F8: variants seen among roughly 807,000 people sequenced by gnomAD.
F8 encodes the protein coagulation factor VIII.
A neutral mutation model predicts 140.6 loss-of-function variants in F8; 12 were observed. The observed-to-expected ratio is 0.09, with a 90% CI of 0.05 to 0.14. The LOEUF (loss-of-function observed/expected upper bound fraction) is 0.14. Ranked by LOEUF, F8 falls within the 10% of genes least tolerant of loss-of-function variation. The pLI, the probability that F8 is intolerant of heterozygous loss-of-function variation, is 1.00. For synonymous variants in F8, 585 were observed against 614.6 expected (o/e 0.95, Z 0.71); for missense variants, 1,354 against 1,720.7 (o/e 0.79, Z 3.77).
chrX:154,836,888 A>G lies in F8; in HGVS notation c.*709T>C, dbSNP rs1420211277. 1.8e-5 allele frequency: 2 copies of G among 112,575 alleles called. No individual in the cohort carries two copies. The highest frequency in any genetic ancestry group is 1.9e-4 in the Admixed American group (2 of 10,643). 9.3% of individuals were successfully genotyped at this position (112,575 alleles called of 1,213,427 possible). A position where few individuals can be genotyped will look rare whatever the true frequency, so the allele number is the denominator to read the frequency against. ...GTCAGAAAAATGCACATTTGCATTTATACAGAATGCCTTATATAATTTCAG... is the reference window on the plus strand; with the variant it reads ...GTCAGAAAAATGCACATTTGCATTTGTACAGAATGCCTTATATAATTTCAG... On this transcript the variant is annotated 3_prime_UTR_variant, in exon 26 of 26. Coordinates refer to ENST00000360256, the MANE Select transcript of F8 (RefSeq NM_000132.4).
intron 10 of F8, among the ~76,000 whole-genome samples, chrX:154,957,574 C>A (rs1211346647): frequency 9.0e-6 from 1 of 111,201 alleles, no homozygotes; most frequent in Non-Finnish European, 1.9e-5. Flanking sequence ...CAATCTAAAT[C>A]AAAATTTTAA....
At chrX:154,998,851 C>G (rs1557285330) in intron 2 of F8, among the ~76,000 whole-genome samples, 2 of 111,268 alleles carry the variant, frequency 1.8e-5, no homozygotes, top group African/African-American at 6.5e-5. Flanking sequence ...GAAAATTTAT[C>G]CAGATAAAAA....
chrX:154,987,706 A>T (rs185247089), intron 4 of F8, among the ~76,000 whole-genome samples: 11 of 112,395 alleles, frequency 9.8e-5, no homozygotes, highest in Admixed American at 1.9e-4. Flanking sequence ...GCAATTGTCC[A>T]TATTAAACAT....
At chrX:154,994,993 A>G (rs1235166856) in intron 3 of F8, among the ~76,000 whole-genome samples, 1 of 111,808 alleles carries the variant, frequency 8.9e-6, no homozygotes, top group African/African-American at 3.3e-5. Context: ...ATGATCAATT[A>G]CTTTGAACTT....
chrX:154,930,851 C>T lies in F8; in HGVS notation c.2939G>A (p.Gly980Glu). 1.7e-6 allele frequency: 2 copies of T among 1,206,854 alleles called. No individual in the cohort carries two copies. Among genetic ancestry groups the T allele is most frequent in the Non-Finnish European group, 2.2e-6 (2 of 893,104 alleles). Residue 980 changes from glycine to glutamate, a missense_variant, in exon 14 of 26, where the codon GGA becomes GAA. Around this residue, in one of 4 missense-constraint regions of F8, gnomAD observed 658 missense variants for 666.5 expected, o/e 0.99. Transcript: ENST00000360256. ...GLMNSQESSWGKNVSSTESGR... is the reference protein window; with the variant it reads ...GLMNSQESSWEKNVSSTESGR... ...ACTCTCTGTTGACGATACATTTTTT[C>T]CCCATGAACTTTCTTGGCTATTCAT...
intron 22 of F8, among the ~76,000 whole-genome samples, chrX:154,874,726 A>C (rs782702514): frequency 4.4e-5 from 5 of 112,517 alleles, no homozygotes; most frequent in Non-Finnish European, 9.4e-5. Flanking sequence ...TAATGTGGAG[A>C]AAAGGAAACC....
intron 7 of F8, among the ~76,000 whole-genome samples, chrX:154,968,962 C>A (rs1276479510): frequency 3.6e-5 from 4 of 109,915 alleles, no homozygotes; most frequent in Non-Finnish European, 5.7e-5. Flanking sequence ...AAAAAAAAAT[C>A]TCTTCAGCTA....
At chrX:154,992,677 A>G (rs185281436) in intron 4 of F8, among the ~76,000 whole-genome samples, 59 of 112,287 alleles carry the variant, frequency 5.3e-4, no homozygotes, top group African/African-American at 1.8e-3. Flanking sequence ...TTGAAGAGGA[A>G]AATAGCAATG....
At chrX:154,981,967 C>CCT (rs1458441259) in intron 6 of F8, among the ~76,000 whole-genome samples, 5 of 111,365 alleles carry the variant, frequency 4.5e-5, no homozygotes, top group Non-Finnish European at 1.9e-5. Context: ...GGGCAGATCA[C>CCT]GAGGTCAGGA....
At chrX:154,974,857 T>C (rs901979373) in intron 6 of F8, among the ~76,000 whole-genome samples, 10 of 111,880 alleles carry the variant, frequency 8.9e-5, no homozygotes, top group Non-Finnish European at 1.3e-4. Flanking sequence ...TCTTCTAGGC[T>C]TTTCAATTTG....
chrX:154,990,042 A>G, intron 4 of F8, among the ~76,000 whole-genome samples: 1 of 111,947 alleles, frequency 8.9e-6, no homozygotes, highest in Admixed American at 9.5e-5. Context: ...ATCCTTTTCC[A>G]TCTTTATGCT....
chrX:154,986,881 C>T (rs2073561454), intron 5 of F8, among the ~76,000 whole-genome samples: 1 of 111,447 alleles, frequency 9.0e-6, no homozygotes, highest in Admixed American at 9.5e-5. Context: ...GAAAAATGTA[C>T]TATTATTTCC....
At chrX:154,955,282 G>A (rs1557281085) in intron 11 of F8, among the ~76,000 whole-genome samples, 1 of 94,080 alleles carries the variant, frequency 1.1e-5, no homozygotes, top group African/African-American at 4.0e-5. Flanking sequence ...TCCTGAGTAG[G>A]TGGGACTACA....
At chrX:154,949,746 G>A (rs2073326752) in intron 12 of F8, among the ~76,000 whole-genome samples, 1 of 107,837 alleles carries the variant, frequency 9.3e-6, no homozygotes, top group African/African-American at 3.4e-5. Context: ...TGCATCCCTG[G>A]TGTCTCTGTG....
At chrX:154,923,677 A>G (rs1557277741) in intron 14 of F8, among the ~76,000 whole-genome samples, 1 of 112,298 alleles carries the variant, frequency 8.9e-6, no homozygotes, top group Non-Finnish European at 1.9e-5. Context: ...TCTACTAAAA[A>G]TACTGTGGAC....
chrX:155,010,640 T>G (rs895747), intron 1 of F8, among the ~76,000 whole-genome samples: 1,250 of 111,379 alleles, frequency 0.011, 18 homozygotes, highest in African/African-American at 0.038. Flanking sequence ...TTCAATTCAA[T>G]TTTATACTCA....
At chrX:154,999,705 A>G in intron 1 of F8, 105 bp from the exon 2 acceptor site, 11 of 991,961 alleles carry the variant, frequency 1.1e-5, no homozygotes, top group African/African-American at 1.9e-5. Flanking sequence ...AAGGAGGCAA[A>G]TTTGAAGTTG....
intron 9 of F8, among the ~76,000 whole-genome samples, 182 bp from the exon 10 acceptor site, chrX:154,961,350 G>T (rs1557281585): frequency 1.8e-5 from 2 of 111,410 alleles, no homozygotes; most frequent in African/African-American, 6.5e-5. Context: ...ATGGAGGATT[G>T]GTTCCAGGAC....
At chrX:154,850,781 T>A (rs1207176722) in intron 25 of F8, among the ~76,000 whole-genome samples, 1 of 112,174 alleles carries the variant, frequency 8.9e-6, no homozygotes, top group Non-Finnish European at 1.9e-5. Flanking sequence ...ATTGTTTATT[T>A]TAGCATTGTG....
Sources: allele counts gnomAD v4.1 joint callset (sites outside exome capture counted in the v4.1 genomes callset), GRCh38; gene constraint gnomAD v4.1.1; regional missense constraint gnomAD v4.1.1; transcripts MANE v1.5; gene names NCBI Gene and HGNC (gene_info 2026-07-23, HGNC 2026-07-21).